Variants in THSD7A observed in about 807,000 individuals in gnomAD.
THSD7A encodes thrombospondin type 1 domain containing 7A.
A neutral mutation model predicts 231.3 loss-of-function variants in THSD7A; 96 were observed. The ratio of observed to expected loss-of-function variants is 0.41; its 90% CI spans 0.35 to 0.49. The LOEUF is 0.49. Ranked by LOEUF, THSD7A falls within the 20% of genes least tolerant of loss-of-function variation. The pLI is 0.05. For synonymous variants in THSD7A, 940 were observed against 743.3 expected (o/e 1.26, Z -4.30); for missense variants, 2,290 against 2,070.2 (o/e 1.11, Z -2.06).
chr7:11,779,313 A>G (rs571285061), intron 1 of THSD7A, among the ~76,000 whole-genome samples: 16 of 151,740 alleles, frequency 1.1e-4, no homozygotes, highest in African/African-American at 3.4e-4. Context: ...TCTCTCCCTC[A>G]CTCTTCCTTT....
chr7:11,720,869 C>T (rs182793539), intron 1 of THSD7A, among the ~76,000 whole-genome samples: 1 of 151,798 alleles, frequency 6.6e-6, no homozygotes, highest in East Asian at 2.0e-4. Context: ...TCGGACTGCT[C>T]CTTCTCTCTG....
intron 1 of THSD7A, among the ~76,000 whole-genome samples, chr7:11,662,179 A>T (rs914690869): frequency 6.6e-6 from 1 of 151,310 alleles, no homozygotes; most frequent in Non-Finnish European, 1.5e-5. Context: ...GATAAAGGTG[A>T]TCAGACTGGA....
At chr7:11,772,474 G>C (rs568946658) in intron 1 of THSD7A, among the ~76,000 whole-genome samples, 5 of 152,134 alleles carry the variant, frequency 3.3e-5, no homozygotes, top group African/African-American at 1.2e-4. Context: ...AATCAATCTA[G>C]ATGCCCATCA....
At chr7:11,803,799 T>G (rs1282502386) in intron 1 of THSD7A, among the ~76,000 whole-genome samples, 1 of 152,122 alleles carries the variant, frequency 6.6e-6, no homozygotes, top group African/African-American at 2.4e-5. Flanking sequence ...CAAGACAATC[T>G]AATTGTTCTA....
intron 6 of THSD7A, among the ~76,000 whole-genome samples, chr7:11,491,946 C>CT (rs991763330): frequency 8.6e-5 from 13 of 151,988 alleles, no homozygotes; most frequent in Non-Finnish European, 1.5e-4. Context: ...TTATCTCACA[C>CT]TTTTTTCTCT....
intron 2 of THSD7A, among the ~76,000 whole-genome samples, chr7:11,628,495 T>C (rs1781545261): frequency 6.6e-6 from 1 of 152,204 alleles, no homozygotes; most frequent in African/African-American, 2.4e-5. Context: ...CCATTCTTGA[T>C]CCTGCCAACC....
chr7:11,704,666 G>A (rs1308306890), intron 1 of THSD7A, among the ~76,000 whole-genome samples: 3 of 150,908 alleles, frequency 2.0e-5, no homozygotes, highest in African/African-American at 4.8e-5. Context: ...AGTGAAGTTC[G>A]TAACCTGAGG....
intron 11 of THSD7A, among the ~76,000 whole-genome samples, chr7:11,450,942 A>G (rs39181): frequency 0.99 from 151,213 of 152,108 alleles, 75,165 homozygotes; most frequent in Middle Eastern, 1. Flanking sequence ...TAACTCTGTT[A>G]ATTATATCCA....
Position 11,754,904 on chromosome 7 carries a change from T to C in THSD7A, c.190+76853A>G, listed in dbSNP as rs144570459. On this transcript the variant is annotated intron_variant, in intron 1 of 27. Coordinates refer to ENST00000423059, the MANE Select transcript of THSD7A (RefSeq NM_015204.3). ...ACACTGACACCAACAACACAAATTA[T>C]ATACATGATCAGTGGTTCTCTAACT... Among the ~76,000 whole-genome samples, 960 of 152,218 alleles carry C rather than the reference T, an allele frequency of 6.3e-3. 9 individuals are homozygous for C. The highest frequency in any genetic ancestry group is 0.022 in the African/African-American group (918 of 41,550).
At chr7:11,603,379 C>G (rs1780618850) in intron 2 of THSD7A, among the ~76,000 whole-genome samples, 1 of 152,032 alleles carries the variant, frequency 6.6e-6, no homozygotes, top group Non-Finnish European at 1.5e-5. Flanking sequence ...CAGGAACCAA[C>G]AGGTGCTGGA....
Position 11,636,984 on chromosome 7 carries a change from A to C in THSD7A, c.191-23T>G. 6.3e-7 allele frequency: 1 copy of C among 1,580,824 alleles called. No individual in the cohort carries two copies. The highest frequency in any genetic ancestry group is 8.6e-7 in the Non-Finnish European group (1 of 1,166,784). On this transcript the variant is annotated intron_variant, in intron 1 of 27. Transcript: ENST00000423059. The surrounding 1 kb of genome is among the most constrained non-coding windows in gnomAD (Gnocchi z 10.0). ...GACCTACAAAAATTATAACACAAAA[A>C]TTAGCAGTGCTACTAGAAGAAAACT...
At chr7:11,717,155 A>ACTT (rs1781168344) in intron 1 of THSD7A, among the ~76,000 whole-genome samples, 1 of 151,630 alleles carries the variant, frequency 6.6e-6, no homozygotes, top group South Asian at 2.1e-4. Context: ...TGAGATCCAC[A>ACTT]CTTGACTGAT....
In THSD7A at chr7:11,372,566, A is replaced by G; in HGVS notation, c.*3228T>C. Reference sequence around the variant, plus strand: ...ATGAATAAGCAAATCAGCCCCTTTCAAAAGAGATCAGTTAGTCCTATTCTA... The same window carrying G: ...ATGAATAAGCAAATCAGCCCCTTTCGAAAGAGATCAGTTAGTCCTATTCTA... On this transcript the variant is annotated 3_prime_UTR_variant, in exon 28 of 28. Transcript: ENST00000423059. The G allele has an allele frequency of 6.6e-6, 1 of 152,144 alleles. No individual in the cohort carries two copies. Among genetic ancestry groups the G allele is most frequent in the East Asian group, 1.9e-4 (1 of 5,188 alleles). The allele number at this position is 152,144 out of a possible 1,614,324, so 9.4% of individuals were successfully genotyped here. A position where few individuals can be genotyped will look rare whatever the true frequency, so the allele number is the denominator to read the frequency against.
chr7:11,393,147 G>C (rs1783049824), intron 23 of THSD7A, among the ~76,000 whole-genome samples: 1 of 152,186 alleles, frequency 6.6e-6, no homozygotes. Flanking sequence ...GCTCTGGCTG[G>C]CATCTGGCAG....
At chr7:11,426,437 C>T (rs1259910366) in intron 15 of THSD7A, among the ~76,000 whole-genome samples, 1 of 152,098 alleles carries the variant, frequency 6.6e-6, no homozygotes, top group East Asian at 1.9e-4. Context: ...CTCTTGTTCA[C>T]CTCAGTCCTT....
Position 11,377,720 on chromosome 7 carries a change from A to G in THSD7A, c.4802-1063T>C, listed in dbSNP as rs1346846728. 6.6e-6 allele frequency among the ~76,000 whole-genome samples: 1 copy of G among 152,112 alleles called. No individual in the cohort carries two copies. Among genetic ancestry groups the G allele is most frequent in the East Asian group, 1.9e-4 (1 of 5,204 alleles). On this transcript the variant is annotated intron_variant, in intron 26 of 27. Transcript: ENST00000423059. This position sits in a 1 kb window ranked among gnomAD's most constrained non-coding sequence, Gnocchi z 4.5. ...GTTCCACGATTGAGGATCTCTGTTG[A>G]GAGTTTCTTCAACAAATGTTTTTTG... is the stretch of plus-strand genomic sequence containing the variant.
At chr7:11,684,866 A>C (rs1389885324) in intron 1 of THSD7A, among the ~76,000 whole-genome samples, 9 of 152,028 alleles carry the variant, frequency 5.9e-5, no homozygotes, top group Admixed American at 5.9e-4. Context: ...AGACTTAGAA[A>C]AGCTATTCTA....
intron 6 of THSD7A, among the ~76,000 whole-genome samples, chr7:11,496,463 G>C (rs1228638205): frequency 1.3e-5 from 2 of 152,156 alleles, no homozygotes; most frequent in Admixed American, 1.3e-4. Context: ...GGTTACACAA[G>C]TTGATGATGG....
At chr7:11,608,894 G>A (rs960425083) in intron 2 of THSD7A, among the ~76,000 whole-genome samples, 3 of 151,942 alleles carry the variant, frequency 2.0e-5, no homozygotes, top group Non-Finnish European at 1.5e-5. Context: ...TATTTCTCCC[G>A]ATTCTTCACT....
Sources: gnomAD v4.1 joint callset for allele counts (sites outside exome capture counted in the v4.1 genomes callset) on GRCh38, gnomAD v4.1.1 for gene constraint, Gnocchi (gnomAD v3.1) non-coding constraint, MANE v1.5 for transcripts, NCBI Gene and HGNC (gene_info 2026-07-23, HGNC 2026-07-21) for gene names.